NAP1L4: variants seen among roughly 807,000 people sequenced by gnomAD.
NAP1L4 encodes the protein nucleosome assembly protein 1-like 4.
A neutral mutation model predicts 58.2 loss-of-function variants in NAP1L4; 15 were observed. The ratio of observed to expected loss-of-function variants is 0.26; its 90% CI spans 0.17 to 0.40. NAP1L4 has a LOEUF of 0.40. NAP1L4 is among the 10% of genes least tolerant of loss of function. The pLI, the probability that NAP1L4 is intolerant of heterozygous loss-of-function variation, is 1.00. For synonymous variants in NAP1L4, 171 were observed against 155.6 expected (o/e 1.10, Z -0.74); for missense variants, 384 against 451.1 (o/e 0.85, Z 1.35).
In NAP1L4 at chr11:2,945,110, T is replaced by G. The variant is rs1302158071; in HGVS notation, c.*569A>C. 1 of 153,028 alleles carries G rather than the reference T, an allele frequency of 6.5e-6. No individual in the cohort carries two copies. The highest frequency in any genetic ancestry group is 1.4e-5 in the Non-Finnish European group (1 of 69,134). 9.5% of individuals were successfully genotyped at this position (153,028 alleles called of 1,614,324 possible). The stretch of plus-strand genomic sequence containing the variant: ...AACAGGGCCCTACTCTACACAGCCC[T>G]TTCTGAGATGATCGGCATACAGCAG... On this transcript the variant is annotated 3_prime_UTR_variant, in exon 16 of 16. Transcript: ENST00000380542.
In NAP1L4 at chr11:2,992,329, C is replaced by G. The variant is rs1377258347; in HGVS notation, c.-93G>C. 1 of 152,328 alleles carries G rather than the reference C, an allele frequency of 6.6e-6. No individual in the cohort carries two copies. Among genetic ancestry groups the G allele is most frequent in the African/African-American group, 2.4e-5 (1 of 41,470 alleles). The allele number at this position is 152,328 out of a possible 1,614,324, so 9.4% of individuals were successfully genotyped here. A position where few individuals can be genotyped will look rare whatever the true frequency, so the allele number is the denominator to read the frequency against. On this transcript the variant is annotated 5_prime_UTR_variant, in exon 1 of 16. Coordinates refer to ENST00000380542, the MANE Select transcript of NAP1L4 (RefSeq NM_005969.4). The stretch of plus-strand genomic sequence containing the variant: ...GCTGCGCCGCCGTGGCCTCCAACAA[C>G]GCCGGCTCCCATTGGCCGAGGCTCC...
chr11:2,951,213 G>C lies in NAP1L4; in HGVS notation c.1122+46C>G, dbSNP rs201086059. On this transcript the variant is annotated intron_variant, in intron 14 of 15. Coordinates refer to ENST00000380542, the MANE Select transcript of NAP1L4 (RefSeq NM_005969.4). This position sits in a 1 kb window ranked among gnomAD's most constrained non-coding sequence, Gnocchi z 4.0. ...GTGGGGAACATTTTTAAAAGTCTAA[G>C]AGTGCAGCATAATAAGTAGGTCTGG... 5 of 1,467,992 alleles carry C rather than the reference G, an allele frequency of 3.4e-6. No individual in the cohort carries two copies. Among genetic ancestry groups the C allele is most frequent in the South Asian group, 2.3e-5 (2 of 86,352 alleles). The allele number at this position is 1,467,992 out of a possible 1,614,324, so 90.9% of individuals were successfully genotyped here. A position where few individuals can be genotyped will look rare whatever the true frequency, so the allele number is the denominator to read the frequency against.
At position 2,945,397 on chromosome 11, in the gene NAP1L4, C is replaced by A. The variant is rs1485755786; in HGVS notation, c.*282G>T. On this transcript the variant is annotated 3_prime_UTR_variant, in exon 16 of 16. Transcript: ENST00000380542. The stretch of plus-strand genomic sequence containing the variant: ...AGGCTGCAGAGGGTGCTGGACGAAA[C>A]CTCCTATTTCTGAAATGCATTTCAG... 2 of 561,506 alleles carry A rather than the reference C, an allele frequency of 3.6e-6. No individual in the cohort carries two copies. Among genetic ancestry groups the A allele is most frequent in the East Asian group, 6.0e-5 (2 of 33,176 alleles). 34.8% of individuals were successfully genotyped at this position (561,506 alleles called of 1,614,324 possible).
chr11:2,982,545 A>C (rs182808785), intron 1 of NAP1L4, among the ~76,000 whole-genome samples: 16 of 152,356 alleles, frequency 1.1e-4, no homozygotes, highest in African/African-American at 3.8e-4. Flanking sequence ...GAGAAACTCC[A>C]CTAGGGAGGG....
In NAP1L4 at chr11:2,955,861, TG is replaced by T; in HGVS notation, c.893-96del. On this transcript the variant is annotated intron_variant, in intron 10 of 15. Transcript: ENST00000380542. The surrounding 1 kb of genome is among the most constrained non-coding windows in gnomAD (Gnocchi z 4.2). ...GAGGAAGCTGTGCTGGTAGATAAAA[TG>T]TAACATTTCTCACCTCGAGGTTTAA... is the stretch of plus-strand genomic sequence containing the variant. 1 of 1,167,732 alleles carries T rather than the reference TG, an allele frequency of 8.6e-7. No individual in the cohort carries two copies. Among genetic ancestry groups the T allele is most frequent in the Non-Finnish European group, 1.2e-6 (1 of 802,610 alleles). The allele number at this position is 1,167,732 out of a possible 1,614,324, so 72.3% of individuals were successfully genotyped here. A position where few individuals can be genotyped will look rare whatever the true frequency, so the allele number is the denominator to read the frequency against.
chr11:2,953,546 T>C (rs1028632728), intron 12 of NAP1L4, among the ~76,000 whole-genome samples: 2 of 152,354 alleles, frequency 1.3e-5, no homozygotes, highest in East Asian at 3.9e-4. Context: ...TAAAACTATG[T>C]CTTGGCAGCT....
chr11:2,971,356 C>T lies in NAP1L4; in HGVS notation c.402+92G>A. 9.0e-7 allele frequency: 1 copy of T among 1,116,638 alleles called. No individual in the cohort carries two copies. Among genetic ancestry groups the T allele is most frequent in the Non-Finnish European group, 1.3e-6 (1 of 766,612 alleles). The allele number at this position is 1,116,638 out of a possible 1,614,324, so 69.2% of individuals were successfully genotyped here. A position where few individuals can be genotyped will look rare whatever the true frequency, so the allele number is the denominator to read the frequency against. The stretch of plus-strand genomic sequence containing the variant: ...GCAGCAGCACCTACTGTTAGAAGCA[C>T]ATAAGTTTACTAGTCATTAAAAATC... On this transcript the variant is annotated intron_variant, in intron 6 of 15. Transcript: ENST00000380542. This position sits in a 1 kb window ranked among gnomAD's most constrained non-coding sequence, Gnocchi z 4.2.
At chr11:2,966,833 C>T in intron 7 of NAP1L4, among the ~76,000 whole-genome samples, 1 of 152,148 alleles carries the variant, frequency 6.6e-6, no homozygotes, top group South Asian at 2.1e-4. Flanking sequence ...CTCATGTTTT[C>T]CCAAACTTCA....
rs1564975072 is a variant in NAP1L4 at position 2,955,725 on chromosome 11, T to G, written c.915+19A>C. On this transcript the variant is annotated intron_variant, in intron 11 of 15. Transcript: ENST00000380542. The surrounding 1 kb of genome is among the most constrained non-coding windows in gnomAD (Gnocchi z 4.2). ...AGAGACTTCAACAGGAAAATAAGAC[T>G]ATTAACAACAAATCTTACCAGTGAT... 6.2e-7 allele frequency: 1 copy of G among 1,609,454 alleles called. No individual in the cohort carries two copies. Among genetic ancestry groups the G allele is most frequent in the Non-Finnish European group, 8.5e-7 (1 of 1,176,802 alleles).
chr11:2,973,028 G>A (rs970873578), intron 4 of NAP1L4, among the ~76,000 whole-genome samples: 2 of 152,116 alleles, frequency 1.3e-5, no homozygotes, highest in Admixed American at 6.6e-5. Context: ...AGTGTCCGTC[G>A]ATAGATCTGT....
At chr11:2,957,173 A>G (rs17758628) in intron 10 of NAP1L4, among the ~76,000 whole-genome samples, 10,814 of 152,270 alleles carry the variant, frequency 0.071, 458 homozygotes, top group Middle Eastern at 0.1. Context: ...AACTTCCTAC[A>G]CAAAGTGATT....
At chr11:2,957,213 T>C (rs1846596944) in intron 10 of NAP1L4, among the ~76,000 whole-genome samples, 1 of 152,228 alleles carries the variant, frequency 6.6e-6, no homozygotes, top group Non-Finnish European at 1.5e-5. Flanking sequence ...TTCTTCACGC[T>C]GAATTCACAG....
chr11:2,958,225 C>T (rs572239356), intron 10 of NAP1L4, 174 bp downstream of exon 10: 19 of 719,768 alleles, frequency 2.6e-5, no homozygotes, highest in South Asian at 1.6e-4. Flanking sequence ...CTCTGCCCCC[C>T]GCGATAAACT....
chr11:2,953,575 C>G (rs901139429), intron 12 of NAP1L4, among the ~76,000 whole-genome samples: 2 of 152,204 alleles, frequency 1.3e-5, no homozygotes, highest in Non-Finnish European at 2.9e-5. Context: ...GTCCATGTTC[C>G]CTGACCTGCA....
At chr11:2,991,095 G>A (rs1848936317) in intron 1 of NAP1L4, 1 of 456,456 alleles carries the variant, frequency 2.2e-6, no homozygotes, top group Non-Finnish European at 4.4e-6. Flanking sequence ...ATTCCTCCGA[G>A]AACATAATGA....
rs567755572 is a variant in NAP1L4, at chr11:2,966,204, C to T, written c.535-1453G>A. On this transcript the variant is annotated intron_variant, in intron 7 of 15. Transcript: ENST00000380542. ...TTTTTAGTTGTATGTAATAATTGTACTATTTATGGGACACAGTGACATTTT... is the reference window on the plus strand; with the variant it reads ...TTTTTAGTTGTATGTAATAATTGTATTATTTATGGGACACAGTGACATTTT... Among the ~76,000 whole-genome samples, 9 of 152,304 alleles carry T rather than the reference C, an allele frequency of 5.9e-5. No individual in the cohort carries two copies. In the East Asian group the frequency reaches 1.5e-3, roughly 26 times the overall value.
At chr11:2,952,712 A>AT (rs1846302816) in intron 12 of NAP1L4, 1 of 152,234 alleles carries the variant, frequency 6.6e-6, no homozygotes, top group Non-Finnish European at 1.5e-5. Context: ...GCTTCTCAAT[A>AT]TTCTTCCATT....
intron 14 of NAP1L4, chr11:2,950,902 T>C (rs775041014): frequency 3.4e-5 from 7 of 207,710 alleles, no homozygotes; most frequent in Non-Finnish European, 5.7e-5. Flanking sequence ...AAGTCCCTTC[T>C]TTGCACCTTT....
chr11:2,984,370 C>T (rs1248859436), intron 1 of NAP1L4, among the ~76,000 whole-genome samples: 1 of 151,910 alleles, frequency 6.6e-6, no homozygotes, highest in Non-Finnish European at 1.5e-5. Flanking sequence ...GTCAGGAGTT[C>T]GAGACCAGCC....
Sources: allele counts gnomAD v4.1 joint callset (sites outside exome capture counted in the v4.1 genomes callset), GRCh38; gene constraint gnomAD v4.1.1; non-coding constraint Gnocchi (gnomAD v3.1); transcripts MANE v1.5; gene names NCBI Gene and HGNC (gene_info 2026-07-23, HGNC 2026-07-21).